Variants in NPAS2 observed in about 807,000 individuals in gnomAD.
NPAS2 encodes neuronal PAS domain protein 2.
NPAS2 carries 23 observed loss-of-function variants against 107.5 expected under a neutral mutation model. The observed-to-expected ratio is 0.21, with a 90% CI of 0.15 to 0.30. The LOEUF (loss-of-function observed/expected upper bound fraction) is 0.30. Ranked by LOEUF, NPAS2 falls within the 10% of genes least tolerant of loss-of-function variation. The pLI, the probability that NPAS2 is intolerant of heterozygous loss-of-function variation, is 1.00. For synonymous variants in NPAS2, 403 were observed against 417.5 expected (o/e 0.97, Z 0.42); for missense variants, 756 against 1,043.3 (o/e 0.72, Z 3.79).
At chr2:100,871,074 T>C (rs1166900889) in intron 1 of NPAS2, among the ~76,000 whole-genome samples, 1 of 152,216 alleles carries the variant, frequency 6.6e-6, no homozygotes, top group Admixed American at 6.5e-5. Context: ...TTCTCTTCAA[T>C]GCCATGCTCT....
chr2:100,959,768 C>T (rs1196338534), intron 7 of NPAS2, among the ~76,000 whole-genome samples: 1 of 152,124 alleles, frequency 6.6e-6, no homozygotes, highest in African/African-American at 2.4e-5. Flanking sequence ...TTGTCACTTC[C>T]TTGTGGACTA....
intron 1 of NPAS2, among the ~76,000 whole-genome samples, chr2:100,870,978 T>C (rs1471525913): frequency 6.6e-6 from 1 of 152,224 alleles, no homozygotes; most frequent in Non-Finnish European, 1.5e-5. Flanking sequence ...TCAATGACTT[T>C]TGTGCTTTCC....
intron 16 of NPAS2, chr2:100,987,843 C>T: frequency 1.7e-6 from 1 of 572,190 alleles, no homozygotes; most frequent in South Asian, 2.3e-5. Context: ...CAGTCACTTG[C>T]CTGTAACCTT....
At chr2:100,876,998 G>A (rs1316554826) in intron 1 of NPAS2, among the ~76,000 whole-genome samples, 1 of 152,126 alleles carries the variant, frequency 6.6e-6, no homozygotes, top group Non-Finnish European at 1.5e-5. Flanking sequence ...CATTTCACAG[G>A]GCACCTGACT....
At chr2:100,984,271 G>A (rs1026783183) in intron 16 of NPAS2, 2 of 152,156 alleles carry the variant, frequency 1.3e-5, no homozygotes, top group Admixed American at 6.5e-5. Context: ...TTTTTTGTAA[G>A]ACTTAAAGAA....
Position 100,897,210 on chromosome 2 carries a change from G to A in NPAS2, c.-22-7523G>A, listed in dbSNP as rs1272976832. Among the ~76,000 whole-genome samples the A allele has an allele frequency of 2.0e-5, 3 of 152,014 alleles. 1 individual carries two copies. The stretch of plus-strand genomic sequence containing the variant: ...ACCTGGTCCCTCCCAGGACACATGG[G>A]GATTATGGGAACTAAATTCAAGATG... On this transcript the variant is annotated intron_variant, in intron 1 of 20. Transcript: ENST00000335681.
intron 7 of NPAS2, among the ~76,000 whole-genome samples, chr2:100,957,734 G>A (rs1037990922): frequency 2.6e-5 from 4 of 152,108 alleles, no homozygotes; most frequent in African/African-American, 7.2e-5. Flanking sequence ...AGACCATCCT[G>A]GCTAACACAG....
chr2:100,979,500 ATATTTTTT>A (rs1283377448), intron 15 of NPAS2, among the ~76,000 whole-genome samples: 6 of 50,082 alleles, frequency 1.2e-4, no homozygotes, highest in African/African-American at 2.2e-4. Flanking sequence ...ATATATATAT[ATATTTTTT>A]TTTTTTTTTT....
intron 1 of NPAS2, among the ~76,000 whole-genome samples, chr2:100,825,951 A>T (rs910870793): frequency 3.9e-5 from 6 of 152,180 alleles, no homozygotes; most frequent in African/African-American, 1.4e-4. Flanking sequence ...TCTGAATTAC[A>T]CAAAGAAGAG....
intron 5 of NPAS2, among the ~76,000 whole-genome samples, chr2:100,940,649 T>C (rs1254336713): frequency 1.3e-5 from 2 of 152,168 alleles, no homozygotes; most frequent in Non-Finnish European, 1.5e-5. Context: ...TCCTATGAAG[T>C]ACATAGTTAC....
intron 7 of NPAS2, among the ~76,000 whole-genome samples, chr2:100,950,831 A>G (rs1348936717): frequency 6.6e-6 from 1 of 152,190 alleles, no homozygotes; most frequent in East Asian, 1.9e-4. Flanking sequence ...AGATGAGGCC[A>G]AGGCCTAACC....
chr2:100,830,039 A>G (rs7578439), intron 1 of NPAS2, among the ~76,000 whole-genome samples: 9,931 of 152,254 alleles, frequency 0.065, 601 homozygotes, highest in African/African-American at 0.16. Context: ...CCTTGAAAGC[A>G]AAAACAACCT....
At chr2:100,856,564 AT>A (rs1478976297) in intron 1 of NPAS2, among the ~76,000 whole-genome samples, 1 of 152,214 alleles carries the variant, frequency 6.6e-6, no homozygotes, top group Non-Finnish European at 1.5e-5. Flanking sequence ...TTTGAAATTG[AT>A]TTTTCAAAAT....
intron 1 of NPAS2, among the ~76,000 whole-genome samples, chr2:100,882,208 T>G (rs779148698): frequency 6.6e-6 from 1 of 152,134 alleles, no homozygotes; most frequent in African/African-American, 2.4e-5. Context: ...TATAGCACAA[T>G]ATCACCCCCA....
intron 2 of NPAS2, among the ~76,000 whole-genome samples, chr2:100,908,903 G>C (rs949903489): frequency 6.6e-6 from 1 of 152,136 alleles, no homozygotes; most frequent in Non-Finnish European, 1.5e-5. Context: ...AGTGGATGCT[G>C]GTTCTGAAAC....
intron 1 of NPAS2, among the ~76,000 whole-genome samples, chr2:100,871,972 T>G (rs1228349424): frequency 6.6e-6 from 1 of 152,124 alleles, no homozygotes; most frequent in Non-Finnish European, 1.5e-5. Flanking sequence ...ATTTACACAT[T>G]CAGTCCAAAT....
chr2:100,845,833 A>G (rs1410532794), intron 1 of NPAS2, among the ~76,000 whole-genome samples: 6 of 152,138 alleles, frequency 3.9e-5, no homozygotes, highest in Non-Finnish European at 8.8e-5. Flanking sequence ...CCTGACAGTA[A>G]AAGATTCTCC....
chr2:100,988,023 A>G (rs912401952), intron 16 of NPAS2, 56 bp from the exon 17 acceptor site: 3 of 1,579,900 alleles, frequency 1.9e-6, no homozygotes, highest in Admixed American at 1.7e-5. Flanking sequence ...AAGGAGGTGC[A>G]CACTGGTGAG....
rs2105180045 is a variant in NPAS2, at chr2:100,968,501, C to G, written c.1055+73C>G. 1 of 1,463,340 alleles carries G rather than the reference C, an allele frequency of 6.8e-7. No homozygotes were observed. The highest frequency in any genetic ancestry group is 1.8e-5 in the Admixed American group (1 of 55,542). The allele number at this position is 1,463,340 out of a possible 1,614,324, so 90.6% of individuals were successfully genotyped here. ...GGAGGGGTGCAGGATGGCGTGGCCC[C>G]TGATGGCCAAGTCAGATCAGCAGTC... On this transcript the variant is annotated intron_variant, in intron 11 of 20. Coordinates refer to ENST00000335681, the MANE Select transcript of NPAS2 (RefSeq NM_002518.4). This position sits in a 1 kb window ranked among gnomAD's most constrained non-coding sequence, Gnocchi z 5.3.
Sources: allele counts gnomAD v4.1 joint callset (sites outside exome capture counted in the v4.1 genomes callset), GRCh38; gene constraint gnomAD v4.1.1; non-coding constraint Gnocchi (gnomAD v3.1); transcripts MANE v1.5; gene names NCBI Gene and HGNC (gene_info 2026-07-23, HGNC 2026-07-21).